The following WASHC5 variants were observed in gnomAD, a reference collection of about 807,000 sequenced individuals.
The protein encoded by WASHC5 is WASH complex subunit strumpellin.
In WASHC5, 101 loss-of-function variants were observed where a neutral mutation model predicts 150.4. That is an observed-to-expected ratio of 0.67 (90% CI 0.57 to 0.79). WASHC5 has a LOEUF of 0.79. Ranked by LOEUF, WASHC5 falls within the 30% of genes least tolerant of loss-of-function variation. The pLI is 0.00. For missense variants in WASHC5, 1,195 were observed against 1,396.3 expected, an observed-to-expected ratio of 0.86 and a Z score of 2.30; for synonymous variants, 467 against 491.2, an observed-to-expected ratio of 0.95 and a Z score of 0.65.
rs1054136620 is a variant in WASHC5, at chr8:125,059,656, G to A, written c.1522-114C>T. Reference sequence around the variant, plus strand: ...CTACTTCTGACAATTTCTTGATAAAGTTTTTATTTCAAATTATAAATTTCA... The same window carrying A: ...CTACTTCTGACAATTTCTTGATAAAATTTTTATTTCAAATTATAAATTTCA... On this transcript the variant is annotated intron_variant, in intron 12 of 28. Transcript: ENST00000318410. 3.9e-6 allele frequency: 3 copies of A among 761,916 alleles called. No individual in the cohort carries two copies. In the African/African-American group the frequency reaches 5.3e-5, roughly 14 times the overall value. 47.2% of individuals were successfully genotyped at this position (761,916 alleles called of 1,614,324 possible).
intron 28 of WASHC5, among the ~76,000 whole-genome samples, chr8:125,026,638 A>C (rs1815385979): frequency 1.3e-5 from 2 of 152,140 alleles, no homozygotes; most frequent in African/African-American, 2.4e-5. Context: ...GTGTGAACTT[A>C]CATCTATTGA....
At chr8:125,041,503 T>C (rs577429516) in intron 23 of WASHC5, among the ~76,000 whole-genome samples, 1 of 152,234 alleles carries the variant, frequency 6.6e-6, no homozygotes, top group South Asian at 2.1e-4. Flanking sequence ...TAGCTGGGTA[T>C]GGTGGTGGAC....
intron 19 of WASHC5, 48 bp downstream of exon 19, chr8:125,048,958 C>T (rs1159298922): frequency 6.8e-7 from 1 of 1,467,794 alleles, no homozygotes; most frequent in Non-Finnish European, 9.3e-7. Flanking sequence ...GTACTCTAAA[C>T]ATGAGAAATA....
intron 11 of WASHC5, among the ~76,000 whole-genome samples, chr8:125,062,287 T>C (rs1586365871): frequency 6.6e-6 from 1 of 152,324 alleles, no homozygotes; most frequent in East Asian, 1.9e-4. Flanking sequence ...GATGTGTATC[T>C]TACAGGGTTG....
At chr8:125,048,714 A>G (rs1816149886) in intron 19 of WASHC5, among the ~76,000 whole-genome samples, 1 of 152,174 alleles carries the variant, frequency 6.6e-6, no homozygotes, top group African/African-American at 2.4e-5. Context: ...GCTGAACACA[A>G]ACAAAGGAGT....
rs1225338189 is a variant in WASHC5 at position 125,044,401 on chromosome 8, G to C, written c.2667+135C>G. The C allele has an allele frequency of 4.3e-6, 4 of 934,164 alleles. No individual in the cohort carries two copies. In the African/African-American group the frequency reaches 6.5e-5, roughly 15 times the overall value. The allele number at this position is 934,164 out of a possible 1,614,324, so 57.9% of individuals were successfully genotyped here. A position where few individuals can be genotyped will look rare whatever the true frequency, so the allele number is the denominator to read the frequency against. ...TTTATTCCCAGCTCTGATCTACCCAGTAGGTATCATATGCCTAAAGTCAGT... is the reference window on the plus strand; with the variant it reads ...TTTATTCCCAGCTCTGATCTACCCACTAGGTATCATATGCCTAAAGTCAGT... On this transcript the variant is annotated intron_variant, in intron 21 of 28. Transcript: ENST00000318410.
chr8:125,083,800 A>G lies in WASHC5; in HGVS notation c.99T>C (p.Ser33=), dbSNP rs1817342744. 6.2e-7 allele frequency: 1 copy of G among 1,613,340 alleles called. No individual in the cohort carries two copies. Among genetic ancestry groups the G allele is most frequent in the Non-Finnish European group, 8.5e-7 (1 of 1,179,306 alleles). The change falls in exon 2 of 29, where the codon TCT becomes TCC. Residue 33 remains serine (S), a synonymous_variant. Coordinates refer to ENST00000318410, the MANE Select transcript of WASHC5 (RefSeq NM_014846.4). ...NAIIAELLRL[S]EFIPAVFRLK... ...ACCTGAACACAGCAGGAATAAACTCAGAGAGTCTCAAAAGTTCAGCAATGA... is the reference window on the plus strand; with the variant it reads ...ACCTGAACACAGCAGGAATAAACTCGGAGAGTCTCAAAAGTTCAGCAATGA...
At chr8:125,083,672 G>A in intron 2 of WASHC5, 41 bp downstream of exon 2, 1 of 1,494,452 alleles carries the variant, frequency 6.7e-7, no homozygotes, top group Non-Finnish European at 9.3e-7. Flanking sequence ...ACACGCTTTT[G>A]TAGAAAAGAC....
At chr8:125,047,599 G>T (rs190810381) in intron 19 of WASHC5, among the ~76,000 whole-genome samples, 1 of 151,918 alleles carries the variant, frequency 6.6e-6, no homozygotes, top group African/African-American at 2.4e-5. Flanking sequence ...CACCATGCCC[G>T]GCTAATTTTT....
At chr8:125,091,498 G>A (rs1028998449) in intron 1 of WASHC5, 117 bp downstream of exon 1, 1 of 152,196 alleles carries the variant, frequency 6.6e-6, no homozygotes, top group African/African-American at 2.4e-5. Flanking sequence ...CCTCCATCCC[G>A]AGTCCCCCAT....
rs781477272 is a variant in WASHC5, at chr8:125,081,754, G to A, written c.425C>T (p.Ala142Val). ...TAGCATAACTCCATATAAGTACAGTGCTTCACACTAAGAAGAGAAGAGGAC... is the reference window on the plus strand; with the variant it reads ...TAGCATAACTCCATATAAGTACAGTACTTCACACTAAGAAGAGAAGAGGAC... ...NEDGKQLLCE[A>V]LYLYGVMLLV... is the part of the protein sequence containing the mutation. Residue 142 changes from alanine to valine, a missense_variant, in exon 5 of 29, where the codon GCA (alanine) becomes GTA (valine). Transcript: ENST00000318410. The A allele has an allele frequency of 6.3e-7, 1 of 1,599,340 alleles. No homozygotes were observed. Among genetic ancestry groups the A allele is most frequent in the East Asian group, 2.2e-5 (1 of 44,796 alleles).
At chr8:125,048,445 C>G (rs1476221612) in intron 19 of WASHC5, among the ~76,000 whole-genome samples, 1 of 152,188 alleles carries the variant, frequency 6.6e-6, no homozygotes, top group Non-Finnish European at 1.5e-5. Context: ...ATAAGCTGTT[C>G]AACATCATTG....
chr8:125,037,023 T>C (rs1427169338), intron 26 of WASHC5, among the ~76,000 whole-genome samples: 1 of 151,762 alleles, frequency 6.6e-6, no homozygotes, highest in African/African-American at 2.4e-5. Flanking sequence ...CAAAAATAAA[T>C]AAATAAATAA....
At chr8:125,047,395 C>T in intron 19 of WASHC5, 64 bp from the exon 20 acceptor site, 1 of 1,506,266 alleles carries the variant, frequency 6.6e-7, no homozygotes, top group Non-Finnish European at 9.2e-7. Flanking sequence ...ATCCCTTTTC[C>T]ATATAATTTT....
chr8:125,041,537 A>G (rs940763550), intron 23 of WASHC5, among the ~76,000 whole-genome samples: 5 of 152,130 alleles, frequency 3.3e-5, no homozygotes, highest in Admixed American at 6.5e-5. Flanking sequence ...GATACTTGGA[A>G]GGCTGAGGTA....
rs374169817 is a variant in WASHC5, at chr8:125,025,570, C to T, written c.3424-897G>A. ...GGGCGTGGTGGTACGCATCTGTAAT[C>T]ACAGCTACTCAGGAGGCTGAGGCAG... On this transcript the variant is annotated intron_variant, in intron 28 of 28. Coordinates refer to ENST00000318410, the MANE Select transcript of WASHC5 (RefSeq NM_014846.4). 1.7e-4 allele frequency among the ~76,000 whole-genome samples: 26 copies of T among 152,144 alleles called. No homozygotes were observed. The East Asian group carries it at 4.8e-3, about 28-fold the overall frequency.
At chr8:125,072,043 G>A (rs1444157440) in intron 9 of WASHC5, among the ~76,000 whole-genome samples, 2 of 151,910 alleles carry the variant, frequency 1.3e-5, no homozygotes, top group Non-Finnish European at 2.9e-5. Flanking sequence ...CTGATTTAAG[G>A]ACCCCTATAT....
At chr8:125,063,469 A>T in intron 11 of WASHC5, 53 bp downstream of exon 11, 1 of 1,597,534 alleles carries the variant, frequency 6.3e-7, no homozygotes, top group South Asian at 1.1e-5. Context: ...CAAGGTTTCA[A>T]ATAACCTGTG....
At chr8:125,037,015 AAAAT>A (rs1010118368) in intron 26 of WASHC5, among the ~76,000 whole-genome samples, 3 of 152,254 alleles carry the variant, frequency 2.0e-5, no homozygotes, top group African/African-American at 4.8e-5. Context: ...CTCCATCTCA[AAAAT>A]AAATAAATAA....
Sources: gnomAD v4.1 joint callset for allele counts (sites outside exome capture counted in the v4.1 genomes callset) on GRCh38, gnomAD v4.1.1 for gene constraint, MANE v1.5 for transcripts, NCBI Gene and HGNC (gene_info 2026-07-23, HGNC 2026-07-21) for gene names.